The following RPAP2 variants were observed in gnomAD, a reference collection of about 807,000 sequenced individuals.
RPAP2 encodes putative RNA polymerase II subunit B1 CTD phosphatase RPAP2.
RPAP2 carries 52 observed loss-of-function variants against 73.1 expected under a neutral mutation model. The observed-to-expected ratio is 0.71, with a 90% confidence interval of 0.57 to 0.90. RPAP2 has a LOEUF of 0.90. Ranked by LOEUF, RPAP2 falls within the 40% of genes least tolerant of loss-of-function variation. RPAP2 has a pLI of 0.00. For synonymous variants in RPAP2, 225 were observed against 242.1 expected, an observed-to-expected ratio of 0.93 and a Z score of 0.65; for missense variants, 598 against 701.8, an observed-to-expected ratio of 0.85 and a Z score of 1.67.
intron 6 of RPAP2, among the ~76,000 whole-genome samples, chr1:92,314,480 G>A (rs575757157): frequency 2.6e-5 from 4 of 152,246 alleles, no homozygotes; most frequent in Admixed American, 6.5e-5. Flanking sequence ...GCTGGACACA[G>A]AGGCTAACAC....
chr1:92,318,046 C>T (rs968457055), intron 6 of RPAP2, among the ~76,000 whole-genome samples: 2 of 152,170 alleles, frequency 1.3e-5, no homozygotes, highest in African/African-American at 4.8e-5. Context: ...GACCTCCTAT[C>T]TCTAGCCTAG....
chr1:92,335,401 A>C (rs1295589930), intron 9 of RPAP2, among the ~76,000 whole-genome samples: 1 of 152,236 alleles, frequency 6.6e-6, no homozygotes, highest in Non-Finnish European at 1.5e-5. Flanking sequence ...TTAAAAAAAT[A>C]AAGTAACACA....
Position 92,324,384 on chromosome 1 carries a change from T to C in RPAP2, c.1455+9T>C. 6.3e-7 allele frequency: 1 copy of C among 1,587,664 alleles called. No individual in the cohort carries two copies. The highest frequency in any genetic ancestry group is 8.6e-7 in the Non-Finnish European group (1 of 1,164,364). On this transcript the variant is annotated intron_variant, in intron 8 of 12. Coordinates refer to ENST00000610020, the MANE Select transcript of RPAP2 (RefSeq NM_024813.3). ...CACAAGACTCAGAAGAGGTATGTCT[T>C]ACAGACATTGAGTTTTTCCAGATCG...
At chr1:92,378,361 C>T (rs1385468157) in intron 11 of RPAP2, among the ~76,000 whole-genome samples, 1 of 152,106 alleles carries the variant, frequency 6.6e-6, no homozygotes, top group Non-Finnish European at 1.5e-5. Flanking sequence ...CCCACCACCA[C>T]ACCAGGCTAA....
chr1:92,360,393 T>C (rs1442385126), intron 11 of RPAP2, among the ~76,000 whole-genome samples: 3 of 152,200 alleles, frequency 2.0e-5, no homozygotes, highest in African/African-American at 7.2e-5. Context: ...GTTGGGGCAC[T>C]AGACGGAGCA....
rs1195000593 is a variant in RPAP2, at chr1:92,397,837, G to C, written c.*10826G>C. ...CTCAAAAACAAAAGGATAGAAGCAT[G>C]TCAGACAGACACAGGAGCCAATCTG... On this transcript the variant is annotated 3_prime_UTR_variant, in exon 13 of 13. Transcript: ENST00000610020. 2 of 152,374 alleles carry C rather than the reference G, an allele frequency of 1.3e-5. No homozygotes were observed. Among genetic ancestry groups the C allele is most frequent in the Admixed American group, 6.5e-5 (1 of 15,296 alleles). The allele number at this position is 152,374 out of a possible 1,614,324, so 9.4% of individuals were successfully genotyped here. A position where few individuals can be genotyped will look rare whatever the true frequency, so the allele number is the denominator to read the frequency against.
intron 6 of RPAP2, among the ~76,000 whole-genome samples, chr1:92,317,007 G>C (rs1275361167): frequency 1.3e-5 from 2 of 152,150 alleles, no homozygotes; most frequent in South Asian, 2.1e-4. Context: ...GAAGAAAATA[G>C]TTTGTAAAGT....
chr1:92,369,458 C>T (rs1333943941), intron 11 of RPAP2, among the ~76,000 whole-genome samples: 1 of 152,166 alleles, frequency 6.6e-6, no homozygotes, highest in Non-Finnish European at 1.5e-5. Context: ...GCGTGCACCT[C>T]CACACTCAAC....
In RPAP2 at chr1:92,324,397, T is replaced by C. The variant is rs186949996; in HGVS notation, c.1455+22T>C. On this transcript the variant is annotated intron_variant, in intron 8 of 12. Coordinates refer to ENST00000610020, the MANE Select transcript of RPAP2 (RefSeq NM_024813.3). ...AGAGGTATGTCTTACAGACATTGAG[T>C]TTTTCCAGATCGTTAACATTTGGAA... 12 of 1,551,776 alleles carry C rather than the reference T, an allele frequency of 7.7e-6. No individual in the cohort carries two copies. The Admixed American group carries it at 1.7e-4, about 22-fold the overall frequency.
chr1:92,384,159 T>G (rs1396892130), intron 12 of RPAP2, among the ~76,000 whole-genome samples: 1 of 151,292 alleles, frequency 6.6e-6, no homozygotes. Context: ...GGTTTCACCA[T>G]GTTGGCCAGG....
chr1:92,349,362 T>G (rs1388180983), intron 11 of RPAP2, among the ~76,000 whole-genome samples: 1 of 152,230 alleles, frequency 6.6e-6, no homozygotes, highest in Non-Finnish European at 1.5e-5. Context: ...TGAAAGCTGT[T>G]TTCAGAATTC....
intron 11 of RPAP2, among the ~76,000 whole-genome samples, chr1:92,347,251 A>G (rs1250124437): frequency 6.6e-6 from 1 of 152,222 alleles, no homozygotes; most frequent in Non-Finnish European, 1.5e-5. Context: ...GTAATTTGTG[A>G]AACAGATCTT....
intron 6 of RPAP2, among the ~76,000 whole-genome samples, chr1:92,314,375 G>T (rs1481151242): frequency 6.7e-6 from 1 of 148,708 alleles, no homozygotes; most frequent in Non-Finnish European, 1.5e-5. Context: ...GCATTTAGTA[G>T]TGCATTTTAT....
In RPAP2 at chr1:92,373,762, A is replaced by AT. The variant is rs1655270509; in HGVS notation, c.1689-6962_1689-6961insT. 7.4e-5 allele frequency among the ~76,000 whole-genome samples: 11 copies of AT among 147,960 alleles called. 1 individual carries two copies. The highest frequency in any genetic ancestry group is 5.4e-4 in the Admixed American group (8 of 14,782). ...AATAAAAAAAAAAAAAAAAAAAAAA[A>AT]AAAAAAAAGTAGCCAGGCGTGGTGG... On this transcript the variant is annotated intron_variant, in intron 11 of 12. Coordinates refer to ENST00000610020, the MANE Select transcript of RPAP2 (RefSeq NM_024813.3).
chr1:92,349,968 A>G (rs1290486219), intron 11 of RPAP2, among the ~76,000 whole-genome samples: 4 of 152,120 alleles, frequency 2.6e-5, no homozygotes, highest in East Asian at 1.9e-4. Context: ...TAATTTATCA[A>G]TGTATACTGA....
chr1:92,337,159 T>C (rs1044632679), intron 10 of RPAP2, among the ~76,000 whole-genome samples: 1 of 152,100 alleles, frequency 6.6e-6, no homozygotes, highest in Non-Finnish European at 1.5e-5. Context: ...CAGAATAAAC[T>C]TCTAGGGTGG....
intron 6 of RPAP2, among the ~76,000 whole-genome samples, chr1:92,320,279 CT>C (rs886525913): frequency 2.0e-5 from 3 of 151,000 alleles, no homozygotes; most frequent in Non-Finnish European, 4.4e-5. Flanking sequence ...TAATTTTTTT[CT>C]TTTTTTTTCT....
At chr1:92,338,349 G>A (rs769013401) in intron 10 of RPAP2, among the ~76,000 whole-genome samples, 1 of 152,218 alleles carries the variant, frequency 6.6e-6, no homozygotes, top group Admixed American at 6.5e-5. Context: ...AAGAGGATTT[G>A]AGCAAAATAA....
chr1:92,380,574 C>A, intron 11 of RPAP2, 150 bp from the exon 12 acceptor site: 1 of 466,384 alleles, frequency 2.1e-6, no homozygotes, highest in Non-Finnish European at 3.7e-6. Flanking sequence ...TTCTCTTCTG[C>A]CTTTGTTAGT....
Sources: allele counts gnomAD v4.1 joint callset (sites outside exome capture counted in the v4.1 genomes callset), GRCh38; gene constraint gnomAD v4.1.1; transcripts MANE v1.5; gene names NCBI Gene and HGNC (gene_info 2026-07-23, HGNC 2026-07-21).